Variants in MALRD1 observed in about 807,000 individuals in gnomAD.
MALRD1 encodes the protein MAM and LDL receptor class A domain containing 1, also known as MAM and LDL-receptor class A domain-containing protein 1.
Under a neutral mutation model 242.1 loss-of-function variants are expected in MALRD1, and 247 were observed. The observed-to-expected ratio is 1.02, with a 90% CI of 0.92 to 1.13. MALRD1 has a LOEUF of 1.13. Ranked by LOEUF, MALRD1 falls within the 50% of genes most tolerant of loss-of-function variation. The pLI is 0.00. For synonymous variants in MALRD1, 995 were observed against 866.6 expected, an observed-to-expected ratio of 1.15 and a Z score of -2.60; for missense variants, 2,989 against 2,533.1, an observed-to-expected ratio of 1.18 and a Z score of -3.86.
intron 31 of MALRD1, among the ~76,000 whole-genome samples, chr10:19,506,407 C>G (rs985307703): frequency 3.3e-5 from 5 of 152,144 alleles, no homozygotes; most frequent in Admixed American, 6.5e-5. Context: ...GTTTATTATC[C>G]AGCTATATGA....
intron 28 of MALRD1, 48 bp downstream of exon 28, chr10:19,389,657 A>G: frequency 1.3e-6 from 2 of 1,522,018 alleles, no homozygotes; most frequent in Non-Finnish European, 1.8e-6. Flanking sequence ...GTTCTGTTTT[A>G]GAGACAGGGT....
At chr10:19,421,988 A>G (rs1564326136) in intron 28 of MALRD1, among the ~76,000 whole-genome samples, 1 of 152,212 alleles carries the variant, frequency 6.6e-6, no homozygotes, top group Non-Finnish European at 1.5e-5. Context: ...AATAATTAAA[A>G]CACAACAAAG....
chr10:19,390,585 C>T (rs1005188044), intron 28 of MALRD1, among the ~76,000 whole-genome samples: 3 of 151,950 alleles, frequency 2.0e-5, no homozygotes, highest in Non-Finnish European at 2.9e-5. Flanking sequence ...TATATGTGCA[C>T]GTGCAGGTAT....
chr10:19,221,475 C>A (rs76486371), intron 18 of MALRD1, among the ~76,000 whole-genome samples: 9,545 of 152,206 alleles, frequency 0.063, 334 homozygotes, highest in African/African-American at 0.087. Flanking sequence ...TCTCACTTCA[C>A]AATCTTAGAT....
chr10:19,145,393 C>G (rs1833693328), intron 10 of MALRD1, among the ~76,000 whole-genome samples: 1 of 152,106 alleles, frequency 6.6e-6, no homozygotes, highest in Non-Finnish European at 1.5e-5. Context: ...CCTGTAAACC[C>G]AGCACTTTGG....
At chr10:19,604,770 A>G (rs1424801103) in intron 34 of MALRD1, among the ~76,000 whole-genome samples, 1 of 152,192 alleles carries the variant, frequency 6.6e-6, no homozygotes, top group Non-Finnish European at 1.5e-5. Context: ...TTTTTTAGGC[A>G]TTAGGCTGTT....
chr10:19,567,967 T>G (rs1416864369), intron 33 of MALRD1, among the ~76,000 whole-genome samples: 1 of 152,128 alleles, frequency 6.6e-6, no homozygotes, highest in South Asian at 2.1e-4. Context: ...GAATGTAGCT[T>G]TATTTTCTGC....
At chr10:19,710,046 G>A (rs1238254153) in intron 38 of MALRD1, among the ~76,000 whole-genome samples, 2 of 152,080 alleles carry the variant, frequency 1.3e-5, no homozygotes, top group Non-Finnish European at 2.9e-5. Flanking sequence ...ACTATAGTGA[G>A]CCAATGATCA....
At position 19,082,142 on chromosome 10, in the gene MALRD1, A is replaced by G. The variant is rs543517060; in HGVS notation, c.341-5698A>G. On this transcript the variant is annotated intron_variant, in intron 2 of 39. Transcript: ENST00000454679. ...TTGTTAAATAGATGTTTTCTAGTGT[A>G]TTATATTAATATCCTTTTCTTTTTT... 7.9e-5 allele frequency among the ~76,000 whole-genome samples: 12 copies of G among 151,720 alleles called. No individual in the cohort carries two copies. The South Asian group carries it at 2.5e-3, about 31-fold the overall frequency.
At chr10:19,724,313 C>T (rs1263087833) in intron 38 of MALRD1, among the ~76,000 whole-genome samples, 1 of 152,026 alleles carries the variant, frequency 6.6e-6, no homozygotes, top group Non-Finnish European at 1.5e-5. Flanking sequence ...CATTTATCAC[C>T]AAAAATGGCA....
chr10:19,165,680 T>G lies in MALRD1; in HGVS notation c.1700T>G (p.Val567Gly). 8.1e-7 allele frequency: 1 copy of G among 1,231,584 alleles called. No individual in the cohort carries two copies. Among genetic ancestry groups the G allele is most frequent in the East Asian group, 3.2e-5 (1 of 31,684 alleles). The allele number at this position is 1,231,584 out of a possible 1,614,324, so 76.3% of individuals were successfully genotyped here. A position where few individuals can be genotyped will look rare whatever the true frequency, so the allele number is the denominator to read the frequency against. Residue 567 changes from valine to glycine, a missense_variant, in exon 13 of 40, where the codon GTT (valine) becomes GGT (glycine). Val to Gly is a moderately radical substitution (Grantham distance 109, BLOSUM62 -3). Transcript: ENST00000454679. ...YHLSQHSNLS[V>G]FTRTSLDGNL... ...TTGTCTCAACATTCAAATCTCTCAG[T>G]TTTTACAAGAACGTCTCTAGATGGA... is the stretch of plus-strand genomic sequence containing the variant.
rs57836152 is a variant in MALRD1, at chr10:19,376,542, CTTTTTTTTT to C, written c.4442-10966_4442-10958del. On this transcript the variant is annotated intron_variant, in intron 26 of 39. Coordinates refer to ENST00000454679, the MANE Select transcript of MALRD1 (RefSeq NM_001142308.3). ...TTGAAAGTCAAGGAGTTGATACATT[CTTTTTTTTT>C]TTTTTTTTTTTTTTTTTTTGTAAGA... Among the ~76,000 whole-genome samples, 169 of 94,990 alleles carry C rather than the reference CTTTTTTTTT, an allele frequency of 1.8e-3. 2 individuals carry two copies. Among genetic ancestry groups the C allele is most frequent in the African/African-American group, 3.9e-3 (98 of 25,272 alleles). The allele number at this position is 94,990 out of a possible 152,430, so 62.3% of individuals were successfully genotyped here. A position where few individuals can be genotyped will look rare whatever the true frequency, so the allele number is the denominator to read the frequency against.
At chr10:19,213,686 T>G (rs1447778672) in intron 18 of MALRD1, among the ~76,000 whole-genome samples, 2 of 152,236 alleles carry the variant, frequency 1.3e-5, no homozygotes, top group African/African-American at 4.8e-5. Context: ...GCCACGTTCT[T>G]CTGTCTTTTG....
intron 34 of MALRD1, among the ~76,000 whole-genome samples, chr10:19,597,877 C>T (rs1466754067): frequency 2.0e-5 from 3 of 152,050 alleles, no homozygotes; most frequent in Non-Finnish European, 2.9e-5. Context: ...AGTCATTGGA[C>T]GAATAAAGCA....
At chr10:19,640,154 G>A (rs1589345619) in intron 36 of MALRD1, among the ~76,000 whole-genome samples, 1 of 152,036 alleles carries the variant, frequency 6.6e-6, no homozygotes, top group East Asian at 1.9e-4. Flanking sequence ...CAGTGGCCCT[G>A]TCTCGGCTCA....
chr10:19,049,370 T>A (rs377693494), intron 1 of MALRD1, among the ~76,000 whole-genome samples: 1 of 152,140 alleles, frequency 6.6e-6, no homozygotes, highest in Non-Finnish European at 1.5e-5. Context: ...TTCAGTCAGT[T>A]TTTACTGATT....
intron 28 of MALRD1, among the ~76,000 whole-genome samples, chr10:19,408,587 A>G (rs762282157): frequency 6.6e-6 from 1 of 152,196 alleles, no homozygotes; most frequent in Non-Finnish European, 1.5e-5. Flanking sequence ...AAATTAAACA[A>G]TCCAATTAGA....
At chr10:19,556,639 C>T (rs1835730862) in intron 32 of MALRD1, among the ~76,000 whole-genome samples, 1 of 152,064 alleles carries the variant, frequency 6.6e-6, no homozygotes, top group Non-Finnish European at 1.5e-5. Context: ...TATGGATGTG[C>T]CAGAGTTCGT....
intron 29 of MALRD1, among the ~76,000 whole-genome samples, chr10:19,466,473 A>G (rs1049010438): frequency 2.0e-5 from 3 of 152,158 alleles, no homozygotes; most frequent in South Asian, 2.1e-4. Context: ...AGCTGTCATA[A>G]TAAAATACCA....
Sources: allele counts gnomAD v4.1 joint callset (sites outside exome capture counted in the v4.1 genomes callset), GRCh38; gene constraint gnomAD v4.1.1; transcripts MANE v1.5; gene names NCBI Gene and HGNC (gene_info 2026-07-23, HGNC 2026-07-21).